DCDC1: variants seen among roughly 807,000 people sequenced by gnomAD.
The protein encoded by DCDC1 is doublecortin domain containing 1, also known as doublecortin domain-containing protein 1.
A neutral mutation model predicts 178.3 loss-of-function variants in DCDC1; 200 were observed. The observed-to-expected ratio is 1.12, with a 90% confidence interval of 1.00 to 1.26. DCDC1 has a LOEUF of 1.26. Among genes scored for constraint, DCDC1 ranks in the 50% most tolerant of loss-of-function variants. The pLI, the probability that DCDC1 is intolerant of heterozygous loss-of-function variation, is 0.00. For missense variants in DCDC1, 1,983 were observed against 1,749.2 expected (o/e 1.13, Z -2.38); for synonymous variants, 690 against 604.8 (o/e 1.14, Z -2.07).
At chr11:31,219,528 G>A (rs1037947505) in intron 9 of DCDC1, among the ~76,000 whole-genome samples, 2 of 152,042 alleles carry the variant, frequency 1.3e-5, no homozygotes, top group African/African-American at 4.8e-5. Context: ...GATATTTAGT[G>A]CATTCAAATA....
chr11:31,257,439 A>C (rs1944483008), intron 8 of DCDC1, among the ~76,000 whole-genome samples: 1 of 152,102 alleles, frequency 6.6e-6, no homozygotes, highest in African/African-American at 2.4e-5. Context: ...CAAAAGGAAC[A>C]CTCTATCTTC....
intron 20 of DCDC1, among the ~76,000 whole-genome samples, chr11:30,969,862 A>C (rs775437938): frequency 1.2e-4 from 19 of 152,170 alleles, no homozygotes; most frequent in Non-Finnish European, 2.5e-4. Context: ...TTTCATATTC[A>C]TCATTTTTAG....
chr11:31,137,795 CAAAT>C lies in DCDC1; in HGVS notation c.1222-15_1222-12del, dbSNP rs1963342636. 2 of 700,956 alleles carry C rather than the reference CAAAT, an allele frequency of 2.9e-6. No homozygotes were observed. Among genetic ancestry groups the C allele is most frequent in the Non-Finnish European group, 5.2e-6 (2 of 384,176 alleles). The allele number at this position is 700,956 out of a possible 1,614,324, so 43.4% of individuals were successfully genotyped here. On this transcript the variant is annotated splice_polypyrimidine_tract_variant and intron_variant, in intron 9 of 38. Transcript: ENST00000684477. ...CATGACCAGGTTCAACTAGAAAAAA[CAAAT>C]AAACAGCATGAAAGCAGGTATCTAT...
chr11:31,144,994 T>G (rs1269811531), intron 9 of DCDC1, among the ~76,000 whole-genome samples: 1 of 152,114 alleles, frequency 6.6e-6, no homozygotes, highest in Admixed American at 6.5e-5. Context: ...TCTATAACTT[T>G]TATTATTATA....
intron 18 of DCDC1, among the ~76,000 whole-genome samples, chr11:31,073,277 T>A (rs1289069490): frequency 6.6e-6 from 1 of 152,160 alleles, no homozygotes; most frequent in Non-Finnish European, 1.5e-5. Flanking sequence ...CATCATTTGA[T>A]AATCAGCGAT....
At chr11:31,283,489 A>G (rs1946598182) in intron 7 of DCDC1, among the ~76,000 whole-genome samples, 1 of 151,660 alleles carries the variant, frequency 6.6e-6, no homozygotes, top group South Asian at 2.1e-4. Flanking sequence ...TTTTTTTAAT[A>G]CGTGAACATA....
chr11:31,226,923 T>C (rs978436152), intron 9 of DCDC1, among the ~76,000 whole-genome samples: 14 of 151,888 alleles, frequency 9.2e-5, no homozygotes, highest in Admixed American at 7.2e-4. Flanking sequence ...CTGGGGAAAA[T>C]AACAGATAAA....
intron 6 of DCDC1, 135 bp downstream of exon 6, chr11:31,305,480 T>C: frequency 8.6e-7 from 1 of 1,158,560 alleles, no homozygotes; most frequent in Non-Finnish European, 1.2e-6. Context: ...CATTATCCTC[T>C]TACTGAGCTG....
intron 9 of DCDC1, among the ~76,000 whole-genome samples, chr11:31,211,079 C>T (rs1335599243): frequency 6.6e-6 from 1 of 152,196 alleles, no homozygotes; most frequent in East Asian, 1.9e-4. Context: ...ATGACTTTTA[C>T]ACTTGAGACA....
At chr11:31,064,047 G>C (rs1247409735) in intron 20 of DCDC1, among the ~76,000 whole-genome samples, 1 of 152,060 alleles carries the variant, frequency 6.6e-6, no homozygotes, top group Non-Finnish European at 1.5e-5. Flanking sequence ...GTTATCACTG[G>C]TTAAGACCAT....
chr11:31,106,815 G>T lies in DCDC1; in HGVS notation c.1733C>A (p.Ser578Tyr). 1.3e-6 allele frequency: 1 copy of T among 766,220 alleles called. No homozygotes were observed. Among genetic ancestry groups the T allele is most frequent in the South Asian group, 1.3e-5 (1 of 74,626 alleles). 47.5% of individuals were successfully genotyped at this position (766,220 alleles called of 1,614,324 possible). Residue 578 changes from serine (S) to tyrosine (Y), a missense_variant, in exon 13 of 39, where the codon TCT becomes TAT. By Grantham distance (144) the Ser-to-Tyr change is moderately radical (BLOSUM62 -2). Transcript: ENST00000684477. ...CTCCTACCTGTATGCTCTACCATAA[G>T]AGACCCAAATTTTTTGCTCATTCTT... The part of the protein sequence containing the change: ...SLKNEQKIWV[S>Y]YGRAYRSPLN...
chr11:31,130,274 A>C (rs1437334456), intron 10 of DCDC1, among the ~76,000 whole-genome samples: 3 of 152,162 alleles, frequency 2.0e-5, no homozygotes, highest in Admixed American at 2.0e-4. Flanking sequence ...TCTATTGTTC[A>C]TTCTTTACTA....
At chr11:31,259,243 T>G (rs1591565569) in intron 8 of DCDC1, among the ~76,000 whole-genome samples, 1 of 151,818 alleles carries the variant, frequency 6.6e-6, no homozygotes, top group Non-Finnish European at 1.5e-5. Flanking sequence ...ATCCACGCTA[T>G]TCGGGAGGCT....
At chr11:31,207,896 C>T (rs1188217206) in intron 9 of DCDC1, among the ~76,000 whole-genome samples, 2 of 152,182 alleles carry the variant, frequency 1.3e-5, no homozygotes, top group Middle Eastern at 3.2e-3. Flanking sequence ...TTTCCATTGT[C>T]TTCCCACTTT....
chr11:31,030,641 GCCCACTCCTCCTCCATCAC>G (rs1953561627), intron 20 of DCDC1, among the ~76,000 whole-genome samples: 1 of 152,086 alleles, frequency 6.6e-6, no homozygotes, highest in Non-Finnish European at 1.5e-5. Flanking sequence ...GTGCCGCCAA[GCCCACTCCTCCTCCATCAC>G]CCTGACCTCC....
chr11:31,257,038 T>C (rs1944452426), intron 8 of DCDC1, among the ~76,000 whole-genome samples: 1 of 152,176 alleles, frequency 6.6e-6, no homozygotes, highest in African/African-American at 2.4e-5. Flanking sequence ...TTATTTTAGG[T>C]GTTGCAAGGT....
Position 30,878,555 on chromosome 11 carries a change from A to G in DCDC1, c.*29T>C, listed in dbSNP as rs368620118. The G allele has an allele frequency of 2.0e-5, 31 of 1,574,418 alleles. No individual in the cohort carries two copies. The highest frequency in any genetic ancestry group is 2.5e-5 in the Non-Finnish European group (29 of 1,165,506). ...GCACATAGCTATACCAGAAAAATAC[A>G]GCAGAAAATCCGATGGTTCTGATAG... On this transcript the variant is annotated 3_prime_UTR_variant, in exon 38 of 39. Coordinates refer to ENST00000684477, the MANE Select transcript of DCDC1 (RefSeq NM_001387274.1).
chr11:30,982,025 T>C (rs906739556), intron 20 of DCDC1, among the ~76,000 whole-genome samples: 1 of 152,202 alleles, frequency 6.6e-6, no homozygotes, highest in Non-Finnish European at 1.5e-5. Context: ...AATAAATTTA[T>C]TTTTTTCCTT....
intron 20 of DCDC1, among the ~76,000 whole-genome samples, chr11:30,995,921 TA>T (rs964634169): frequency 6.6e-6 from 1 of 152,066 alleles, no homozygotes; most frequent in African/African-American, 2.4e-5. Context: ...AAATTTAAAT[TA>T]GACGTTATCA....
Sources: gnomAD v4.1 joint callset for allele counts (sites outside exome capture counted in the v4.1 genomes callset) on GRCh38, gnomAD v4.1.1 for gene constraint, MANE v1.5 for transcripts, NCBI Gene and HGNC (gene_info 2026-07-23, HGNC 2026-07-21) for gene names.